Variants in SOX5 observed in about 807,000 individuals in gnomAD.
The protein encoded by SOX5 is transcription factor SOX-5.
SOX5 carries 9 observed loss-of-function variants against 92.0 expected under a neutral mutation model. That is an observed-to-expected ratio of 0.10 (90% CI 0.06 to 0.17). SOX5 has a LOEUF of 0.17. Ranked by LOEUF, SOX5 falls within the 10% of genes least tolerant of loss-of-function variation. SOX5 has a pLI of 1.00. For missense variants in SOX5, 642 were observed against 944.5 expected, an observed-to-expected ratio of 0.68 and a Z score of 4.20; for synonymous variants, 344 against 336.3, an observed-to-expected ratio of 1.02 and a Z score of -0.25.
At chr12:23,556,886 T>TAA (rs1945273321) in intron 11 of SOX5, among the ~76,000 whole-genome samples, 1 of 152,196 alleles carries the variant, frequency 6.6e-6, no homozygotes, top group Non-Finnish European at 1.5e-5. Context: ...TCCGAAGAGT[T>TAA]AACACTGCTG....
chr12:23,900,793 C>G (rs1379344234), intron 1 of SOX5, among the ~76,000 whole-genome samples: 1 of 152,048 alleles, frequency 6.6e-6, no homozygotes, highest in Non-Finnish European at 1.5e-5. Context: ...AACCCCATCT[C>G]TACTGAAATA....
At chr12:24,170,042 A>G (rs1953899808) in intron 4 of SOX5, among the ~76,000 whole-genome samples, 1 of 152,074 alleles carries the variant, frequency 6.6e-6, no homozygotes, top group African/African-American at 2.4e-5. Flanking sequence ...TTCAGAGGAG[A>G]GTGGCACCTT....
At chr12:24,296,838 A>C (rs1338460919) in intron 2 of SOX5, among the ~76,000 whole-genome samples, 1 of 139,178 alleles carries the variant, frequency 7.2e-6, no homozygotes, top group African/African-American at 2.6e-5. Context: ...AAAAAAAAGT[A>C]GTTTGAAAAA....
chr12:24,438,923 T>C (rs939018560), intron 1 of SOX5, among the ~76,000 whole-genome samples: 3 of 152,250 alleles, frequency 2.0e-5, no homozygotes, highest in African/African-American at 7.2e-5. Flanking sequence ...TTTGAGAGAA[T>C]TGACTCCAGT....
chr12:24,370,916 A>T (rs1251489075), intron 1 of SOX5, among the ~76,000 whole-genome samples: 1 of 152,228 alleles, frequency 6.6e-6, no homozygotes, highest in Non-Finnish European at 1.5e-5. Context: ...TTTTTTAAAC[A>T]AATGACAATT....
intron 4 of SOX5, among the ~76,000 whole-genome samples, chr12:23,968,576 C>A (rs559192318): frequency 6.6e-6 from 1 of 152,306 alleles, no homozygotes; most frequent in African/African-American, 2.4e-5. Context: ...CCTGAGATGA[C>A]ACAGGAAGAA....
chr12:24,269,694 T>TA (rs1943456436), intron 3 of SOX5, among the ~76,000 whole-genome samples: 1 of 148,434 alleles, frequency 6.7e-6, no homozygotes. Flanking sequence ...TATTCTTTTT[T>TA]TTTTTTTTTT....
intron 2 of SOX5, among the ~76,000 whole-genome samples, chr12:24,363,782 T>C (rs1219217322): frequency 6.6e-6 from 1 of 151,852 alleles, no homozygotes; most frequent in African/African-American, 2.4e-5. Flanking sequence ...CAGGTGTCTG[T>C]AGTATGATTT....
intron 2 of SOX5, among the ~76,000 whole-genome samples, chr12:24,353,991 A>T (rs1158921184): frequency 6.6e-6 from 1 of 152,224 alleles, no homozygotes; most frequent in Non-Finnish European, 1.5e-5. Flanking sequence ...CTACTGTTAC[A>T]TTGAATAATG....
chr12:24,238,670 A>G (rs911622085), intron 3 of SOX5, among the ~76,000 whole-genome samples: 4 of 152,112 alleles, frequency 2.6e-5, no homozygotes, highest in Non-Finnish European at 5.9e-5. Context: ...GAGTAGTCTT[A>G]CTGCCGTTAG....
chr12:24,074,648 A>AAAAAAAAAAAAAAAAAAAAAAAAAAAAAC (rs1942282268), intron 4 of SOX5, among the ~76,000 whole-genome samples: 1 of 150,904 alleles, frequency 6.6e-6, no homozygotes, highest in Admixed American at 6.6e-5. Context: ...AAAAAAAAAA[A>AAAAAAAAAAAAAAAAAAAAAAAAAAAAAC]AAAAAGCTCA....
chr12:23,679,811 G>A (rs2086290576), intron 6 of SOX5, among the ~76,000 whole-genome samples: 1 of 152,128 alleles, frequency 6.6e-6, no homozygotes, highest in South Asian at 2.1e-4. Context: ...TTTAATACAT[G>A]AGGAATGATT....
At chr12:23,614,422 G>A (rs1193854595) in intron 8 of SOX5, among the ~76,000 whole-genome samples, 1 of 152,190 alleles carries the variant, frequency 6.6e-6, no homozygotes, top group Admixed American at 6.5e-5. Context: ...AGAGACTGTA[G>A]AAAAAGAGAT....
intron 7 of SOX5, among the ~76,000 whole-genome samples, chr12:23,660,329 G>T (rs2082870231): frequency 2.1e-5 from 3 of 145,234 alleles, no homozygotes; most frequent in African/African-American, 7.6e-5. Flanking sequence ...TTTGATCTTT[G>T]TAACAATTCC....
intron 3 of SOX5, among the ~76,000 whole-genome samples, chr12:24,241,576 C>T (rs1434944003): frequency 1.3e-5 from 2 of 151,030 alleles, no homozygotes; most frequent in African/African-American, 4.8e-5. Context: ...ACAAGGTATG[C>T]TCTGCAAATC....
chr12:23,911,665 G>T (rs2097353098), intron 1 of SOX5, among the ~76,000 whole-genome samples: 1 of 152,076 alleles, frequency 6.6e-6, no homozygotes, highest in South Asian at 2.1e-4. Context: ...GAGACCTAAA[G>T]ATAGGTTCTA....
At chr12:24,257,125 T>A (rs1941330524) in intron 3 of SOX5, among the ~76,000 whole-genome samples, 1 of 152,212 alleles carries the variant, frequency 6.6e-6, no homozygotes, top group South Asian at 2.1e-4. Context: ...AGACACCTAA[T>A]AAATGGAACC....
rs527438191 is a variant in SOX5 at position 23,907,163 on chromosome 12, T to G, written c.39-11139A>C. The stretch of plus-strand genomic sequence containing the variant: ...GAGGTGTCTGTGTCTTGTTTATATA[T>G]GCAACCATGTGTGTGCATGTGTGTA... On this transcript the variant is annotated intron_variant, in intron 1 of 14. Coordinates refer to ENST00000451604, the MANE Select transcript of SOX5 (RefSeq NM_006940.6). Among the ~76,000 whole-genome samples, 17 of 152,254 alleles carry G rather than the reference T, an allele frequency of 1.1e-4. No homozygotes were observed. In the South Asian group the frequency reaches 3.3e-3, roughly 30 times the overall value.
At chr12:24,496,930 G>T (rs931845420) in intron 1 of SOX5, among the ~76,000 whole-genome samples, 2 of 152,140 alleles carry the variant, frequency 1.3e-5, no homozygotes, top group Non-Finnish European at 2.9e-5. Flanking sequence ...CACTATTTGT[G>T]GTTTCTACAA....
Sources: allele counts gnomAD v4.1 joint callset (sites outside exome capture counted in the v4.1 genomes callset), GRCh38; gene constraint gnomAD v4.1.1; transcripts MANE v1.5; gene names NCBI Gene and HGNC (gene_info 2026-07-23, HGNC 2026-07-21).